WLS: variants seen among roughly 807,000 people sequenced by gnomAD.
The protein encoded by WLS is protein wntless homolog.
A neutral mutation model predicts 62.8 loss-of-function variants in WLS; 23 were observed. The ratio of observed to expected loss-of-function variants is 0.37; its 90% CI spans 0.26 to 0.52. The LOEUF (loss-of-function observed/expected upper bound fraction) is 0.52. Ranked by LOEUF, WLS falls within the 20% of genes least tolerant of loss-of-function variation. The probability of loss-of-function intolerance (pLI) is 0.92; values close to 1 mark genes in which losing one functional copy is unlikely to be tolerated. For synonymous variants in WLS, 246 were observed against 244.1 expected (o/e 1.01, Z -0.07); for missense variants, 615 against 697.3 (o/e 0.88, Z 1.33).
chr1:68,099,057 C>A (rs1231886308), intron 11 of WLS, among the ~76,000 whole-genome samples: 1 of 152,164 alleles, frequency 6.6e-6, no homozygotes, highest in African/African-American at 2.4e-5. Context: ...GAACGTGTAT[C>A]TAGTTCATCT....
At chr1:68,137,757 G>T in intron 11 of WLS, 23 bp downstream of exon 11, 1 of 1,611,834 alleles carries the variant, frequency 6.2e-7, no homozygotes, top group Non-Finnish European at 8.5e-7. Flanking sequence ...GACTTAAGCT[G>T]TTCTAAAGAG....
At chr1:68,105,477 A>G (rs1050616104) in intron 11 of WLS, among the ~76,000 whole-genome samples, 2 of 152,352 alleles carry the variant, frequency 1.3e-5, no homozygotes, top group African/African-American at 2.4e-5. Flanking sequence ...TCATTGTAGA[A>G]AAAGAATCCA....
chr1:68,230,588 C>CGCGTGTGTGTGTGTGT (rs1553139180), intron 1 of WLS, among the ~76,000 whole-genome samples: 35 of 149,156 alleles, frequency 2.3e-4, no homozygotes, highest in African/African-American at 3.5e-4. Context: ...TGTGTGCGCG[C>CGCGTGTGTGTGTGTGT]GTGTGTGTGT....
At chr1:68,129,040 T>C (rs536663032) in intron 11 of WLS, among the ~76,000 whole-genome samples, 1 of 150,550 alleles carries the variant, frequency 6.6e-6, no homozygotes, top group African/African-American at 2.4e-5. Context: ...AATATCCGCA[T>C]ACAGCCGGGT....
chr1:68,216,647 A>G (rs943228239), intron 1 of WLS, among the ~76,000 whole-genome samples: 1 of 33,094 alleles, frequency 3.0e-5, no homozygotes, highest in African/African-American at 6.4e-5. Context: ...GTTGAAACTT[A>G]GACAATAATG....
intron 2 of WLS, among the ~76,000 whole-genome samples, chr1:68,174,926 T>C (rs1647211504): frequency 1.3e-5 from 2 of 152,174 alleles, no homozygotes; most frequent in African/African-American, 4.8e-5. Flanking sequence ...AGATAAGGGC[T>C]GTGTTACTAA....
chr1:68,122,025 G>A (rs767268009), downstream of WLS, among the ~76,000 whole-genome samples: 5 of 152,200 alleles, frequency 3.3e-5, no homozygotes, highest in Non-Finnish European at 7.3e-5. Context: ...GGAAGTCTAC[G>A]ATGATGGAGC....
chr1:68,137,678 G>C, intron 11 of WLS, 102 bp downstream of exon 11: 1 of 1,359,562 alleles, frequency 7.4e-7, no homozygotes, highest in Non-Finnish European at 1.0e-6. Flanking sequence ...TACTTGGAGG[G>C]AAAGTTTCAC....
intron 2 of WLS, among the ~76,000 whole-genome samples, chr1:68,166,675 C>G (rs984071021): frequency 1.7e-4 from 26 of 152,234 alleles, no homozygotes; most frequent in African/African-American, 5.8e-4. Context: ...TCCTGGGAGG[C>G]TGCAAGTATG....
At chr1:68,107,128 T>G (rs1438923228) in intron 11 of WLS, among the ~76,000 whole-genome samples, 1 of 152,088 alleles carries the variant, frequency 6.6e-6, no homozygotes, top group African/African-American at 2.4e-5. Context: ...TTTATGAAAA[T>G]AAGACAAAAT....
At chr1:68,151,385 C>A (rs577790175) in intron 5 of WLS, among the ~76,000 whole-genome samples, 1 of 152,218 alleles carries the variant, frequency 6.6e-6, no homozygotes, top group East Asian at 1.9e-4. Context: ...CTTGAAGAGA[C>A]TTTTTATTGG....
exon 12 of WLS, chr1:68,098,484 G>T (rs777856823): frequency 7.0e-5 from 89 of 1,275,412 alleles, no homozygotes; most frequent in East Asian, 1.5e-4. Flanking sequence ...AATACTCAAA[G>T]AATATTTATT....
intron 1 of WLS, among the ~76,000 whole-genome samples, chr1:68,208,471 C>T (rs928483329): frequency 3.9e-5 from 6 of 151,964 alleles, no homozygotes; most frequent in African/African-American, 9.7e-5. Flanking sequence ...GAGAGGGGGG[C>T]GGTTTACCAG....
In WLS at chr1:68,194,217, G is replaced by A. The variant is rs1485155698; in HGVS notation, c.117C>T (p.Pro39=). 1 of 1,613,916 alleles carries A rather than the reference G, an allele frequency of 6.2e-7. No individual in the cohort carries two copies. The highest frequency in any genetic ancestry group is 1.1e-5 in the South Asian group (1 of 91,020). ...CCGACATGTAGGACACTGCCGTTGT[G>A]GGCCCTGGAGCTGAAAAGAGAAAGT... ...FLVGGLIAPG[P]TTAVSYMSVK... is the part of the protein sequence containing the mutation. Residue 39 remains proline, a synonymous_variant, in exon 2 of 12, where the codon CCC becomes CCT. Coordinates refer to ENST00000262348, the MANE Select transcript of WLS (RefSeq NM_024911.7).
At chr1:68,175,580 G>A (rs183731903) in intron 2 of WLS, among the ~76,000 whole-genome samples, 2 of 152,310 alleles carry the variant, frequency 1.3e-5, no homozygotes, top group East Asian at 1.9e-4. Flanking sequence ...TTTCATGAAT[G>A]TAGAAATCTA....
At chr1:68,230,675 ATTGT>A (rs1650372222) in intron 1 of WLS, among the ~76,000 whole-genome samples, 1 of 151,978 alleles carries the variant, frequency 6.6e-6, no homozygotes, top group African/African-American at 2.4e-5. Flanking sequence ...GGGATAAGAG[ATTGT>A]TTGAAAACTC....
intron 1 of WLS, among the ~76,000 whole-genome samples, chr1:68,224,861 GA>G (rs1314191178): frequency 6.6e-6 from 1 of 152,142 alleles, no homozygotes; most frequent in Non-Finnish European, 1.5e-5. Flanking sequence ...CATAGAAATG[GA>G]AAGGACAATG....
intron 1 of WLS, among the ~76,000 whole-genome samples, chr1:68,220,378 A>T (rs1649893007): frequency 1.3e-5 from 2 of 152,224 alleles, no homozygotes. Flanking sequence ...TGGCTCACAT[A>T]TATTAATTGA....
At position 68,139,919 on chromosome 1, in the gene WLS, AGAG is replaced by A. The variant is rs543469563; in HGVS notation, c.1363-1989_1363-1987del. Among the ~76,000 whole-genome samples, 9 of 152,374 alleles carry A rather than the reference AGAG, an allele frequency of 5.9e-5. 1 individual carries two copies. Among genetic ancestry groups the A allele is most frequent in the Middle Eastern group, 3.4e-3 (1 of 294 alleles). ...GTCATAATAATTGAATTTAAAAGTGAGAGGAGATGCCAATGTGTGACAAGTGTT... is the reference window on the plus strand; with the variant it reads ...GTCATAATAATTGAATTTAAAAGTGAGAGATGCCAATGTGTGACAAGTGTT... On this transcript the variant is annotated intron_variant, in intron 10 of 11. Transcript: ENST00000262348.
Sources: allele counts gnomAD v4.1 joint callset (sites outside exome capture counted in the v4.1 genomes callset), GRCh38; gene constraint gnomAD v4.1.1; transcripts MANE v1.5; gene names NCBI Gene and HGNC (gene_info 2026-07-23, HGNC 2026-07-21).